Variants in CADM4 observed in about 807,000 individuals in gnomAD.
CADM4 encodes TSLC1-like 2.
Under a neutral mutation model 43.9 loss-of-function variants are expected in CADM4, and 13 were observed. That is an observed-to-expected ratio of 0.30 (90% CI 0.19 to 0.47). CADM4 has a LOEUF of 0.47. Ranked by LOEUF, CADM4 falls within the 20% of genes least tolerant of loss-of-function variation. CADM4 has a pLI of 1.00. For missense variants in CADM4, 420 were observed against 527.0 expected (o/e 0.80, Z 1.99); for synonymous variants, 209 against 220.9 (o/e 0.95, Z 0.48).
upstream of CADM4, among the ~76,000 whole-genome samples, chr19:43,641,605 G>T (rs575341889): frequency 6.6e-6 from 1 of 152,212 alleles, no homozygotes; most frequent in African/African-American, 2.4e-5. Context: ...ATCAACTCCT[G>T]TGTCCCCAGG....
chr19:43,626,803 C>A lies in CADM4; in HGVS notation c.480G>T (p.Arg160=), dbSNP rs758319351. The A allele has an allele frequency of 9.4e-6, 15 of 1,602,714 alleles. No individual in the cohort carries two copies. The South Asian group carries it at 1.6e-4, about 17-fold the overall frequency. ...SRPAATLRWY[R]DRKELKGVSS... ...GGGTACCTTTCAGCTCCTTGCGGTC[C>A]CGGTACCAGCGCAGGGTGGCAGCCG... The change falls in exon 4 of 9, where the codon CGG becomes CGT. Residue 160 remains arginine, a synonymous_variant. Coordinates refer to ENST00000222374, the MANE Select transcript of CADM4 (RefSeq NM_145296.2). This position sits in a 1 kb window ranked among gnomAD's most constrained non-coding sequence, Gnocchi z 5.9.
chr19:43,632,005 G>T (rs1024691864), intron 1 of CADM4, among the ~76,000 whole-genome samples: 6 of 152,124 alleles, frequency 3.9e-5, no homozygotes, highest in African/African-American at 1.2e-4. Flanking sequence ...TTCATGAGTA[G>T]CTGAAACTAT....
In CADM4 at chr19:43,627,104, G is replaced by A. The variant is rs1973541213; in HGVS notation, c.364+62C>T. On this transcript the variant is annotated intron_variant, in intron 3 of 8. Transcript: ENST00000222374. This position sits in a 1 kb window ranked among gnomAD's most constrained non-coding sequence, Gnocchi z 4.0. ...AATAGCCATGGTCTGAAAGTCTCAGGAGAAGAGAGAAGCAGAGAAGAAAGG... is the reference window on the plus strand; with the variant it reads ...AATAGCCATGGTCTGAAAGTCTCAGAAGAAGAGAGAAGCAGAGAAGAAAGG... 4.0e-6 allele frequency: 6 copies of A among 1,512,904 alleles called. No individual in the cohort carries two copies. The highest frequency in any genetic ancestry group is 5.3e-6 in the Non-Finnish European group (6 of 1,126,208). 93.7% of individuals were successfully genotyped at this position (1,512,904 alleles called of 1,614,324 possible).
intron 1 of CADM4, among the ~76,000 whole-genome samples, chr19:43,628,764 C>A (rs931650863): frequency 6.6e-6 from 1 of 152,208 alleles, no homozygotes; most frequent in Non-Finnish European, 1.5e-5. Context: ...ATGAAGATAC[C>A]CAGACTAGTG....
intron 1 of CADM4, among the ~76,000 whole-genome samples, chr19:43,635,061 C>T (rs930346163): frequency 1.3e-5 from 2 of 151,926 alleles, no homozygotes; most frequent in African/African-American, 4.8e-5. Flanking sequence ...GGGCCTCCAG[C>T]CCCCTCCTCC....
chr19:43,639,944 A>G, upstream of CADM4: 1 of 470,562 alleles, frequency 2.1e-6, no homozygotes, highest in Non-Finnish European at 2.7e-6. Context: ...GAGACGGAGG[A>G]GAGGCCCGGA....
At chr19:43,631,679 A>G (rs971440623) in intron 1 of CADM4, among the ~76,000 whole-genome samples, 4 of 152,228 alleles carry the variant, frequency 2.6e-5, no homozygotes, top group Non-Finnish European at 5.9e-5. Flanking sequence ...ACAGGTGGAC[A>G]AACCCTTTTT....
rs1366719040 is a variant in CADM4, at chr19:43,623,734, T to C, written c.1058-295A>G. 6.6e-6 allele frequency among the ~76,000 whole-genome samples: 1 copy of C among 152,186 alleles called. No homozygotes were observed. Among genetic ancestry groups the C allele is most frequent in the South Asian group, 2.1e-4 (1 of 4,834 alleles). On this transcript the variant is annotated intron_variant, in intron 8 of 8. Transcript: ENST00000222374. The surrounding 1 kb of genome is among the most constrained non-coding windows in gnomAD (Gnocchi z 4.4). ...CAGCAATTAGGAAAATAAATTGTTT[T>C]ATTCAAATCCATGCTCTTTTTTTCC...
chr19:43,631,437 T>C (rs1466094009), intron 1 of CADM4, among the ~76,000 whole-genome samples: 1 of 151,980 alleles, frequency 6.6e-6, no homozygotes, highest in African/African-American at 2.4e-5. Context: ...GTAGAAAAGA[T>C]TATTTCTGGG....
chr19:43,627,530 T>C lies in CADM4; in HGVS notation c.211+114A>G. 7.5e-6 allele frequency: 10 copies of C among 1,334,516 alleles called. No homozygotes were observed. The highest frequency in any genetic ancestry group is 1.5e-5 in the South Asian group (1 of 67,434). The allele number at this position is 1,334,516 out of a possible 1,614,324, so 82.7% of individuals were successfully genotyped here. Reference sequence around the variant, plus strand: ...AGCAGTCCGGGACCCCAGCCCTTTCTTCTCCGAGACCCAGGAGACCAAACT... The same window carrying C: ...AGCAGTCCGGGACCCCAGCCCTTTCCTCTCCGAGACCCAGGAGACCAAACT... On this transcript the variant is annotated intron_variant, in intron 2 of 8. Coordinates refer to ENST00000222374, the MANE Select transcript of CADM4 (RefSeq NM_145296.2). This position sits in a 1 kb window ranked among gnomAD's most constrained non-coding sequence, Gnocchi z 4.0.
intron 1 of CADM4, among the ~76,000 whole-genome samples, chr19:43,639,117 G>T (rs1973738001): frequency 6.6e-6 from 1 of 151,892 alleles, no homozygotes; most frequent in South Asian, 2.1e-4. Context: ...AAAAACAAGG[G>T]TGACAGCGAG....
At chr19:43,632,914 G>A (rs772117478) in intron 1 of CADM4, among the ~76,000 whole-genome samples, 12 of 151,594 alleles carry the variant, frequency 7.9e-5, no homozygotes, top group South Asian at 2.1e-4. Context: ...GCGAAACCCC[G>A]TCTCTACTAA....
chr19:43,625,042 C>A lies in CADM4; in HGVS notation c.928+36G>T. Reference sequence around the variant, plus strand: ...GCCCCGCCCCCGCCACCTGGCGCCCCGCCCCCGCCCTCAGTCGGCCGCAGC... The same window carrying A: ...GCCCCGCCCCCGCCACCTGGCGCCCAGCCCCCGCCCTCAGTCGGCCGCAGC... On this transcript the variant is annotated intron_variant, in intron 7 of 8. Coordinates refer to ENST00000222374, the MANE Select transcript of CADM4 (RefSeq NM_145296.2). This position sits in a 1 kb window ranked among gnomAD's most constrained non-coding sequence, Gnocchi z 4.5. The A allele has an allele frequency of 1.4e-6, 2 of 1,387,266 alleles. No individual in the cohort carries two copies. Among genetic ancestry groups the A allele is most frequent in the South Asian group, 1.7e-5 (1 of 58,718 alleles). The allele number at this position is 1,387,266 out of a possible 1,614,324, so 85.9% of individuals were successfully genotyped here. A position where few individuals can be genotyped will look rare whatever the true frequency, so the allele number is the denominator to read the frequency against.
chr19:43,626,847 G>C lies in CADM4; in HGVS notation c.436C>G (p.Leu146Val). Residue 146 changes from leucine (L) to valine (V), a missense_variant, in exon 4 of 9, where the codon CTC (leucine) becomes GTC (valine). By Grantham distance (32) the Leu-to-Val change is conservative (BLOSUM62 1). Coordinates refer to ENST00000222374, the MANE Select transcript of CADM4 (RefSeq NM_145296.2). This position sits in a 1 kb window ranked among gnomAD's most constrained non-coding sequence, Gnocchi z 5.9. ...VEGGEVELSC[L>V]VPRSRPAATL... ...GCAGCCGGACGGGACCGCGGAACGA[G>C]GCAGCTGAGCTCCACCTCGCCGCCC... is the stretch of plus-strand genomic sequence containing the variant. 6.2e-7 allele frequency: 1 copy of C among 1,611,204 alleles called. No individual in the cohort carries two copies. Among genetic ancestry groups the C allele is most frequent in the Non-Finnish European group, 8.5e-7 (1 of 1,179,090 alleles).
Position 43,625,033 on chromosome 19 carries a change from C to CGGG in CADM4, c.928+44_928+45insCCC. The CGGG allele has an allele frequency of 7.1e-7, 1 of 1,400,798 alleles. No individual in the cohort carries two copies. The highest frequency in any genetic ancestry group is 9.5e-7 in the Non-Finnish European group (1 of 1,050,774). The allele number at this position is 1,400,798 out of a possible 1,614,324, so 86.8% of individuals were successfully genotyped here. ...TTTGCTCAAGCCCCGCCCCCGCCAC[C>CGGG]TGGCGCCCCGCCCCCGCCCTCAGTC... On this transcript the variant is annotated intron_variant, in intron 7 of 8. Transcript: ENST00000222374. This position sits in a 1 kb window ranked among gnomAD's most constrained non-coding sequence, Gnocchi z 4.5.
At chr19:43,628,931 G>A (rs1171426960) in intron 1 of CADM4, among the ~76,000 whole-genome samples, 4 of 152,220 alleles carry the variant, frequency 2.6e-5, no homozygotes, top group Non-Finnish European at 5.9e-5. Context: ...ACCAATAAAA[G>A]ATCTGCCCAT....
In CADM4 at chr19:43,626,678, T is replaced by C. The variant is rs1973533275; in HGVS notation, c.499+106A>G. The C allele has an allele frequency of 1.4e-6, 2 of 1,400,146 alleles. No homozygotes were observed. The highest frequency in any genetic ancestry group is 4.9e-5 in the Admixed American group (2 of 40,496). 86.7% of individuals were successfully genotyped at this position (1,400,146 alleles called of 1,614,324 possible). ...GCGCTCGACATCAACCACTACATAT[T>C]GAATGTCCAGTGTCTGTGAAAACCT... On this transcript the variant is annotated intron_variant, in intron 4 of 8. Coordinates refer to ENST00000222374, the MANE Select transcript of CADM4 (RefSeq NM_145296.2). The surrounding 1 kb of genome is among the most constrained non-coding windows in gnomAD (Gnocchi z 5.9).
At chr19:43,629,206 T>G (rs2146144357) in intron 1 of CADM4, among the ~76,000 whole-genome samples, 1 of 152,252 alleles carries the variant, frequency 6.6e-6, no homozygotes, top group East Asian at 1.9e-4. Flanking sequence ...CAGAGAGGAC[T>G]CCAAGGAGCC....
chr19:43,638,619 A>G (rs7252391), intron 1 of CADM4, among the ~76,000 whole-genome samples: 53,322 of 152,138 alleles, frequency 0.35, 11,881 homozygotes, highest in African/African-American at 0.63. Flanking sequence ...AGGGTCACCC[A>G]ACCTCGGGGG....
Sources: gnomAD v4.1 joint callset for allele counts (sites outside exome capture counted in the v4.1 genomes callset) on GRCh38, gnomAD v4.1.1 for gene constraint, Gnocchi (gnomAD v3.1) non-coding constraint, MANE v1.5 for transcripts, NCBI Gene and HGNC (gene_info 2026-07-23, HGNC 2026-07-21) for gene names.